KMO: variants seen among roughly 807,000 people sequenced by gnomAD.
KMO encodes the protein kynurenine 3-hydroxylase.
Under a neutral mutation model 57.8 loss-of-function variants are expected in KMO, and 24 were observed. That is an observed-to-expected ratio of 0.42 (90% CI 0.30 to 0.58). The LOEUF is 0.58. KMO is among the 20% of genes least tolerant of loss of function. KMO has a pLI of 0.22. For synonymous variants in KMO, 210 were observed against 193.6 expected (o/e 1.08, Z -0.70); for missense variants, 483 against 588.2 (o/e 0.82, Z 1.85).
intron 11 of KMO, 92 bp downstream of exon 11, chr1:241,586,828 A>G (rs1030004090): frequency 5.1e-5 from 43 of 840,018 alleles, no homozygotes; most frequent in Non-Finnish European, 5.8e-6. Context: ...CAAACCTGTG[A>G]TGTATAATGT....
chr1:241,568,826 T>G (rs1662174722), intron 10 of KMO, among the ~76,000 whole-genome samples, 179 bp downstream of exon 10: 2 of 152,134 alleles, frequency 1.3e-5, no homozygotes, highest in African/African-American at 4.8e-5. Flanking sequence ...TTTGGTTTAA[T>G]CAATCCAGTA....
intron 5 of KMO, among the ~76,000 whole-genome samples, chr1:241,556,911 T>A (rs1230965103): frequency 6.6e-6 from 1 of 151,286 alleles, no homozygotes; most frequent in Non-Finnish European, 1.5e-5. Flanking sequence ...ATAATAATAA[T>A]AATAATAAAG....
At position 241,548,725 on chromosome 1, in the gene KMO, G is replaced by A; in HGVS notation, c.55-104G>A. On this transcript the variant is annotated intron_variant, in intron 1 of 14. Coordinates refer to ENST00000366559, the MANE Select transcript of KMO (RefSeq NM_003679.5). ...CTGGTAAAATATGACCACACACAAT[G>A]TGAGGCTAGTAAAACATAGCCTCAC... The A allele has an allele frequency of 9.2e-6, 6 of 651,092 alleles. No individual in the cohort carries two copies. In the Admixed American group the frequency reaches 1.4e-4, roughly 15 times the overall value. 40.3% of individuals were successfully genotyped at this position (651,092 alleles called of 1,614,324 possible).
chr1:241,548,800 T>G (rs771663688), intron 1 of KMO, 29 bp from the exon 2 acceptor site: 1 of 1,401,410 alleles, frequency 7.1e-7, no homozygotes, highest in Non-Finnish European at 1.0e-6. Flanking sequence ...TGGAATCAGA[T>G]AAATATTTAA....
intron 10 of KMO, among the ~76,000 whole-genome samples, chr1:241,570,045 T>C (rs1221643164): frequency 6.6e-6 from 1 of 152,106 alleles, no homozygotes; most frequent in Non-Finnish European, 1.5e-5. Context: ...TCAGATATTA[T>C]CAATTTTAAA....
At chr1:241,534,968 T>A (rs1487806273) in intron 1 of KMO, among the ~76,000 whole-genome samples, 1 of 149,394 alleles carries the variant, frequency 6.7e-6, no homozygotes, top group Non-Finnish European at 1.5e-5. Flanking sequence ...CACTTTGGGT[T>A]TTTTTTTTTA....
At chr1:241,591,443 AG>A (rs1423416062) in intron 14 of KMO, among the ~76,000 whole-genome samples, 1 of 151,930 alleles carries the variant, frequency 6.6e-6, no homozygotes, top group East Asian at 1.9e-4. Context: ...AAAAAAGAAA[AG>A]AAATAGGCCA....
At chr1:241,541,030 C>G (rs546843205) in intron 1 of KMO, among the ~76,000 whole-genome samples, 4 of 152,288 alleles carry the variant, frequency 2.6e-5, no homozygotes, top group Admixed American at 2.6e-4. Flanking sequence ...CCTTGCATGC[C>G]TGCCTGGGTG....
At chr1:241,561,882 G>C (rs1049520961) in intron 6 of KMO, among the ~76,000 whole-genome samples, 8 of 152,300 alleles carry the variant, frequency 5.3e-5, no homozygotes, top group African/African-American at 1.9e-4. Flanking sequence ...CTGTTTTCAA[G>C]ATTCTCCTCC....
At position 241,591,974 on chromosome 1, in the gene KMO, T is replaced by C; in HGVS notation, c.1282T>C (p.Phe428Leu). 6.2e-7 allele frequency: 1 copy of C among 1,613,958 alleles called. No individual in the cohort carries two copies. The highest frequency in any genetic ancestry group is 1.7e-5 in the Admixed American group (1 of 60,018). ...QKKVINKGLF[F>L]LGSLIAISST... is the part of the protein sequence containing the mutation. ...ACAGGTGATAAACAAAGGACTCTTTTTCTTGGGATCACTGATAGCCATCAG... is the reference window on the plus strand; with the variant it reads ...ACAGGTGATAAACAAAGGACTCTTTCTCTTGGGATCACTGATAGCCATCAG... The change falls in exon 15 of 15, where the codon TTC (phenylalanine) becomes CTC (leucine). Residue 428 changes from phenylalanine (F) to leucine (L), a missense_variant. Around this residue, in one of 3 missense-constraint regions of KMO, gnomAD observed 410 missense variants for 492.3 expected, o/e 0.83. Coordinates refer to ENST00000366559, the MANE Select transcript of KMO (RefSeq NM_003679.5).
intron 7 of KMO, 51 bp from the exon 8 acceptor site, chr1:241,564,936 T>A: frequency 8.6e-7 from 1 of 1,157,102 alleles, no homozygotes; most frequent in Non-Finnish European, 1.3e-6. Flanking sequence ...GTCCGTTTTA[T>A]AGGTTTGCTA....
intron 3 of KMO, 29 bp from the exon 4 acceptor site, chr1:241,550,926 T>C (rs778884890): frequency 1.9e-6 from 2 of 1,064,086 alleles, no homozygotes; most frequent in Non-Finnish European, 2.7e-6. Flanking sequence ...TTACTGTCAT[T>C]GAAGTCAATA....
intron 11 of KMO, among the ~76,000 whole-genome samples, chr1:241,588,338 T>C (rs982404122): frequency 7.3e-4 from 102 of 140,154 alleles, no homozygotes; most frequent in African/African-American, 2.4e-3. Flanking sequence ...TCTTTTTTTT[T>C]TTTTTTTTTT....
rs1663409181 is a variant in KMO, at chr1:241,593,822, G to A, written c.*1669G>A. On this transcript the variant is annotated 3_prime_UTR_variant, in exon 15 of 15. Transcript: ENST00000366559. ...ATTTGGGGGAAGCAAATATATGGGA[G>A]TTTGCCTTGTAGATTCCTCTGGTGC... 1 of 153,704 alleles carries A rather than the reference G, an allele frequency of 6.5e-6. No homozygotes were observed. Among genetic ancestry groups the A allele is most frequent in the Admixed American group, 6.4e-5 (1 of 15,528 alleles). 9.5% of individuals were successfully genotyped at this position (153,704 alleles called of 1,614,324 possible).
rs377097273 is a variant in KMO at position 241,590,132 on chromosome 1, A to G, written c.1200+19A>G. On this transcript the variant is annotated intron_variant, in intron 13 of 14. Transcript: ENST00000366559. ...TACAATGGTAAGGTCTGGACTGAAGACTTTTCCTCATTTTGATTTTCTGTT... is the reference window on the plus strand; with the variant it reads ...TACAATGGTAAGGTCTGGACTGAAGGCTTTTCCTCATTTTGATTTTCTGTT... 6.2e-7 allele frequency: 1 copy of G among 1,608,654 alleles called. No homozygotes were observed. The highest frequency in any genetic ancestry group is 1.3e-5 in the African/African-American group (1 of 74,902).
At chr1:241,579,411 T>C (rs560624693) in intron 10 of KMO, among the ~76,000 whole-genome samples, 1 of 152,200 alleles carries the variant, frequency 6.6e-6, no homozygotes, top group South Asian at 2.1e-4. Flanking sequence ...GGCAGGTCCA[T>C]GCAAGCAGCA....
chr1:241,549,417 T>C (rs1214850468), intron 2 of KMO, among the ~76,000 whole-genome samples: 1 of 152,070 alleles, frequency 6.6e-6, no homozygotes, highest in African/African-American at 2.4e-5. Flanking sequence ...ATTCTTTGAC[T>C]TTTCTTTAGA....
rs754119767 is a variant in KMO, at chr1:241,592,034, C to G, written c.1342C>G (p.Arg448Gly). 3 of 1,613,818 alleles carry G rather than the reference C, an allele frequency of 1.9e-6. No homozygotes were observed. Among genetic ancestry groups the G allele is most frequent in the Non-Finnish European group, 2.5e-6 (3 of 1,179,768 alleles). The change falls in exon 15 of 15, where the codon CGA becomes GGA. Residue 448 changes from arginine to glycine, a missense_variant. Coordinates refer to ENST00000366559, the MANE Select transcript of KMO (RefSeq NM_003679.5). Reference protein sequence around the residue: ...TYLLIHYMSPRSFLRLRRPWN... With the variant: ...TYLLIHYMSPGSFLRLRRPWN... ...CCTACTTATACACTACATGTCACCA[C>G]GATCTTTCCTCCGCTTGAGAAGACC...
rs746222240 is a variant in KMO, at chr1:241,594,667, G to A, written c.*2514G>A. On this transcript the variant is annotated 3_prime_UTR_variant, in exon 15 of 15. Coordinates refer to ENST00000366559, the MANE Select transcript of KMO (RefSeq NM_003679.5). ...TGGCACCTCAGCAGTCGGAGGCACA[G>A]AAGCTGCAAAAGGGATCTTCGAAAC... 6.2e-7 allele frequency: 1 copy of A among 1,613,936 alleles called. No homozygotes were observed. The highest frequency in any genetic ancestry group is 1.1e-5 in the South Asian group (1 of 91,046).
Sources: allele counts gnomAD v4.1 joint callset (sites outside exome capture counted in the v4.1 genomes callset), GRCh38; gene constraint gnomAD v4.1.1; regional missense constraint gnomAD v4.1.1; transcripts MANE v1.5; gene names NCBI Gene and HGNC (gene_info 2026-07-23, HGNC 2026-07-21).